RPS6KA5: variants seen among roughly 807,000 people sequenced by gnomAD.
RPS6KA5 encodes ribosomal protein S6 kinase alpha-5.
RPS6KA5 carries 27 observed loss-of-function variants against 85.5 expected under a neutral mutation model. That is an observed-to-expected ratio of 0.32 (90% CI 0.23 to 0.44). The LOEUF is 0.44. Among genes scored for constraint, RPS6KA5 ranks in the 20% least tolerant of loss-of-function variants. The pLI, the probability that RPS6KA5 is intolerant of heterozygous loss-of-function variation, is 1.00. For synonymous variants in RPS6KA5, 334 were observed against 348.2 expected (o/e 0.96, Z 0.46); for missense variants, 811 against 980.9 (o/e 0.83, Z 2.31).
intron 7 of RPS6KA5, among the ~76,000 whole-genome samples, chr14:90,907,444 A>G (rs1323291446): frequency 6.6e-6 from 1 of 152,172 alleles, no homozygotes; most frequent in African/African-American, 2.4e-5. Flanking sequence ...CTTAAATAAG[A>G]CCTGTAGAGT....
chr14:90,993,600 A>G (rs959710719), intron 2 of RPS6KA5, among the ~76,000 whole-genome samples: 5 of 152,168 alleles, frequency 3.3e-5, no homozygotes, highest in Admixed American at 2.6e-4. Context: ...TCCACTTTAC[A>G]TGGCTTCCAG....
intron 5 of RPS6KA5, among the ~76,000 whole-genome samples, chr14:90,928,949 T>C (rs754260712): frequency 2.4e-4 from 37 of 151,962 alleles, no homozygotes; most frequent in Admixed American, 2.2e-3. Context: ...AGTAAAATAT[T>C]AGCAAATAAA....
intron 2 of RPS6KA5, among the ~76,000 whole-genome samples, chr14:91,000,623 T>C (rs1328738495): frequency 6.6e-6 from 1 of 151,996 alleles, no homozygotes; most frequent in South Asian, 2.1e-4. Context: ...AACAACATGG[T>C]GAAACCCCGT....
chr14:90,887,420 G>A (rs1455862925), intron 14 of RPS6KA5, among the ~76,000 whole-genome samples: 1 of 151,850 alleles, frequency 6.6e-6, no homozygotes, highest in Non-Finnish European at 1.5e-5. Context: ...GAGCTCCTGG[G>A]CTTAAACAAT....
At position 90,875,210 on chromosome 14, in the gene RPS6KA5, A is replaced by G; in HGVS notation, c.1987T>C (p.Leu663=). ...TTCATTAGATTCTTACCTTGGATCAAATCTTTAGCCTCTTGGGATACATTC... is the reference window on the plus strand; with the variant it reads ...TTCATTAGATTCTTACCTTGGATCAGATCTTTAGCCTCTTGGGATACATTC... ...WKNVSQEAKD[L]IQGLLTVDPN... Residue 663 remains leucine (L), a synonymous_variant, in exon 15 of 17, where the codon TTG becomes CTG. Coordinates refer to ENST00000614987, the MANE Select transcript of RPS6KA5 (RefSeq NM_004755.4). 6.2e-7 allele frequency: 1 copy of G among 1,612,246 alleles called. No individual in the cohort carries two copies. Among genetic ancestry groups the G allele is most frequent in the South Asian group, 1.1e-5 (1 of 90,946 alleles).
chr14:91,001,019 A>C, intron 2 of RPS6KA5, 69 bp downstream of exon 2: 1 of 855,016 alleles, frequency 1.2e-6, no homozygotes, highest in Non-Finnish European at 1.9e-6. Context: ...TATTGGGGAT[A>C]TCAATCCTTC....
At chr14:90,964,298 TC>T (rs2099291556) in intron 3 of RPS6KA5, among the ~76,000 whole-genome samples, 1 of 152,080 alleles carries the variant, frequency 6.6e-6, no homozygotes, top group Non-Finnish European at 1.5e-5. Flanking sequence ...CTCAGATACC[TC>T]ATCTATAAAA....
chr14:90,908,788 T>C (rs2035648467), intron 7 of RPS6KA5, among the ~76,000 whole-genome samples: 1 of 152,214 alleles, frequency 6.6e-6, no homozygotes, highest in Non-Finnish European at 1.5e-5. Context: ...CTCCTGGAAG[T>C]GAGCTGCATC....
At chr14:90,965,323 G>A (rs1401641298) in intron 3 of RPS6KA5, among the ~76,000 whole-genome samples, 7 of 152,070 alleles carry the variant, frequency 4.6e-5, no homozygotes, top group South Asian at 2.1e-4. Context: ...GCAGTGAGCC[G>A]AGATCGCACC....
chr14:91,059,144 G>A (rs2043481592), intron 1 of RPS6KA5, among the ~76,000 whole-genome samples: 2 of 151,770 alleles, frequency 1.3e-5, no homozygotes, highest in Non-Finnish European at 2.9e-5. Context: ...CCTGACCAAC[G>A]TGGAGAGGAC....
At chr14:91,031,771 A>G (rs1366031699) in intron 1 of RPS6KA5, among the ~76,000 whole-genome samples, 2 of 152,228 alleles carry the variant, frequency 1.3e-5, no homozygotes, top group Admixed American at 1.3e-4. Context: ...ATATTTATAT[A>G]GCCATTAAAA....
At chr14:90,993,520 G>T in intron 2 of RPS6KA5, among the ~76,000 whole-genome samples, 1 of 152,188 alleles carries the variant, frequency 6.6e-6, no homozygotes, top group Admixed American at 6.5e-5. Context: ...CACACTTAGG[G>T]AAAACAGTTT....
At chr14:90,885,786 A>G (rs2034182570) in intron 14 of RPS6KA5, among the ~76,000 whole-genome samples, 1 of 148,396 alleles carries the variant, frequency 6.7e-6, no homozygotes, top group African/African-American at 2.5e-5. Flanking sequence ...AAAAAGAAAA[A>G]AGAAACCAAT....
intron 1 of RPS6KA5, among the ~76,000 whole-genome samples, chr14:91,044,358 AG>A (rs2042745262): frequency 7.3e-4 from 17 of 23,202 alleles, no homozygotes; most frequent in Non-Finnish European, 1.6e-3. Flanking sequence ...AAAGAAAGAA[AG>A]AAAGAGAAAG....
intron 14 of RPS6KA5, among the ~76,000 whole-genome samples, chr14:90,884,168 A>G (rs950879056): frequency 2.2e-4 from 34 of 152,306 alleles, no homozygotes; most frequent in African/African-American, 8.2e-4. Flanking sequence ...CTATATTTAG[A>G]GGACAAGGTC....
chr14:90,956,338 A>C (rs1321131106), intron 3 of RPS6KA5, among the ~76,000 whole-genome samples: 1 of 152,110 alleles, frequency 6.6e-6, no homozygotes, highest in Non-Finnish European at 1.5e-5. Context: ...ATATTAGCAT[A>C]ATCACTCCAG....
At chr14:90,898,569 A>G (rs541131621) in intron 12 of RPS6KA5, among the ~76,000 whole-genome samples, 10 of 152,352 alleles carry the variant, frequency 6.6e-5, no homozygotes, top group African/African-American at 2.4e-4. Flanking sequence ...TGAACATTCA[A>G]AATCTCAGTT....
chr14:91,001,193 G>C, intron 1 of RPS6KA5, 34 bp from the exon 2 acceptor site: 1 of 1,426,572 alleles, frequency 7.0e-7, no homozygotes, highest in Non-Finnish European at 9.8e-7. Context: ...AAAAACAAGA[G>C]GGTCAGCAAT....
intron 2 of RPS6KA5, among the ~76,000 whole-genome samples, chr14:90,991,595 G>C (rs901070347): frequency 4.0e-5 from 6 of 151,546 alleles, no homozygotes; most frequent in Non-Finnish European, 7.4e-5. Context: ...CCAGTTACTC[G>C]GGAGGCTGAG....
Sources: allele counts gnomAD v4.1 joint callset (sites outside exome capture counted in the v4.1 genomes callset), GRCh38; gene constraint gnomAD v4.1.1; transcripts MANE v1.5; gene names NCBI Gene and HGNC (gene_info 2026-07-23, HGNC 2026-07-21).